Variants in ZNF469 observed in about 807,000 individuals in gnomAD.
ZNF469 encodes the protein zinc finger protein 469.
A neutral mutation model predicts 1.0 loss-of-function variants in ZNF469; 1 was observed. That is an observed-to-expected ratio of 1.00 (90% CI 0.35 to 4.73). ZNF469 has a LOEUF of 4.73. Ranked by LOEUF, ZNF469 falls within the 30% of genes most tolerant of loss-of-function variation. The pLI is 0.16. For missense variants in ZNF469, 6,100 were observed against 5,356.3 expected (o/e 1.14, Z -4.33); for synonymous variants, 2,703 against 2,363.4 (o/e 1.14, Z -4.17).
In ZNF469 at chr16:88,433,146, G is replaced by T; in HGVS notation, c.5676G>T (p.Arg1892Ser). 6.5e-7 allele frequency: 1 copy of T among 1,550,350 alleles called. No individual in the cohort carries two copies. Among genetic ancestry groups the T allele is most frequent in the Non-Finnish European group, 8.7e-7 (1 of 1,146,950 alleles). The change falls in exon 3 of 3, where the codon AGG becomes AGT. Residue 1892 changes from arginine (R) to serine (S), a missense_variant. By Grantham distance (110) the Arg-to-Ser change is moderately radical. Coordinates refer to ENST00000565624, the MANE Select transcript of ZNF469 (RefSeq NM_001367624.2). ...ACVSNTHPSRRSQDPALSPPI... is the reference protein window; with the variant it reads ...ACVSNTHPSRSSQDPALSPPI... ...TATCCAACACCCACCCTAGCAGGAG[G>T]TCCCAGGACCCAGCTTTGAGCCCCC...
chr16:88,398,359 G>T (rs1319750541), intron 1 of ZNF469, among the ~76,000 whole-genome samples: 2 of 150,000 alleles, frequency 1.3e-5, no homozygotes, highest in Non-Finnish European at 3.0e-5. Flanking sequence ...CGTGAGCCAC[G>T]GATGAAGGAG....
chr16:88,232,180 G>C, the ZNF469 span, among the ~76,000 whole-genome samples: 7 of 152,224 alleles, frequency 4.6e-5, no homozygotes, highest in African/African-American at 1.4e-4. Context: ...CCAGGTTCAA[G>C]AAAACTAGAG....
the ZNF469 span, among the ~76,000 whole-genome samples, chr16:88,248,934 C>T: frequency 2.4e-4 from 36 of 152,310 alleles, no homozygotes; most frequent in South Asian, 6.2e-4. Context: ...TTTCCCTCCC[C>T]GCTGTGTCCC....
the ZNF469 span, among the ~76,000 whole-genome samples, chr16:88,113,073 T>C: frequency 1.3e-5 from 2 of 152,090 alleles, no homozygotes; most frequent in Non-Finnish European, 2.9e-5. Context: ...CCACCGCGCC[T>C]GGCCTGCTGT....
At chr16:88,111,505 T>TC in the ZNF469 span, among the ~76,000 whole-genome samples, 3,340 of 61,470 alleles carry the variant, frequency 0.054, 116 homozygotes, top group African/African-American at 0.14. Flanking sequence ...TCTTCTGTCT[T>TC]TTTGTACCCA....
the ZNF469 span, among the ~76,000 whole-genome samples, chr16:88,127,414 T>G: frequency 2.6e-5 from 4 of 152,394 alleles, no homozygotes; most frequent in South Asian, 8.3e-4. Flanking sequence ...GCTTTCATTT[T>G]TATGGCGACT....
chr16:88,240,061 A>T, the ZNF469 span, among the ~76,000 whole-genome samples: 35 of 150,124 alleles, frequency 2.3e-4, no homozygotes, highest in African/African-American at 7.6e-4. Context: ...CTGCCCAGAG[A>T]AGAGCCAAAC....
At chr16:88,293,314 TTGGATGGATGGATGGA>T in the ZNF469 span, among the ~76,000 whole-genome samples, 8 of 146,696 alleles carry the variant, frequency 5.5e-5, no homozygotes, top group Admixed American at 6.8e-5. Flanking sequence ...GGATGGGTAA[TTGGATGGATGGATGGA>T]TGGATGGATG....
the ZNF469 span, among the ~76,000 whole-genome samples, chr16:88,327,501 A>G: frequency 6.6e-6 from 1 of 151,944 alleles, no homozygotes; most frequent in Non-Finnish European, 1.5e-5. Flanking sequence ...TGCGGTTCCC[A>G]GGGCCAGCTA....
At chr16:88,193,348 A>G in the ZNF469 span, among the ~76,000 whole-genome samples, 1 of 151,720 alleles carries the variant, frequency 6.6e-6, no homozygotes, top group African/African-American at 2.4e-5. Flanking sequence ...GATGATAAGG[A>G]TGATGATATT....
chr16:88,269,702 G>T, the ZNF469 span, among the ~76,000 whole-genome samples: 4 of 151,972 alleles, frequency 2.6e-5, no homozygotes, highest in African/African-American at 9.7e-5. Context: ...CTGCTCTCGG[G>T]AACTGCTGAC....
At chr16:88,320,765 T>A in the ZNF469 span, among the ~76,000 whole-genome samples, 1 of 152,214 alleles carries the variant, frequency 6.6e-6, no homozygotes, top group Non-Finnish European at 1.5e-5. Context: ...CCTGCACTTA[T>A]GTCCATGTAG....
In ZNF469 at chr16:88,431,790, G is replaced by A. The variant is rs374090900; in HGVS notation, c.4320G>A (p.Glu1440=). ...GCCCACCTGGCACCGCTGAGACGGA[G>A]CCAGGCAGGGCTGCATCGCCACCGA... ...PRSPPGTAET[E]PGRAASPPTL... The change falls in exon 3 of 3, where the codon GAG becomes GAA. Residue 1440 remains glutamate (E), a synonymous_variant. Transcript: ENST00000565624. The A allele has an allele frequency of 6.5e-5, 100 of 1,549,624 alleles. 1 individual carries two copies. Among genetic ancestry groups the A allele is most frequent in the East Asian group, 4.2e-4 (17 of 40,922 alleles).
At chr16:88,204,971 C>T in the ZNF469 span, among the ~76,000 whole-genome samples, 62 of 152,266 alleles carry the variant, frequency 4.1e-4, 1 homozygote, top group Admixed American at 3.9e-3. Flanking sequence ...AAGTGTGCGC[C>T]AGCTGCAGGA....
the ZNF469 span, among the ~76,000 whole-genome samples, chr16:88,345,232 G>C: frequency 6.6e-6 from 1 of 152,230 alleles, no homozygotes; most frequent in African/African-American, 2.4e-5. Flanking sequence ...AGGAGACCCT[G>C]GCATGGCGCC....
the ZNF469 span, among the ~76,000 whole-genome samples, chr16:88,161,663 C>A: frequency 1.3e-5 from 2 of 152,088 alleles, no homozygotes; most frequent in African/African-American, 2.4e-5. Flanking sequence ...TCACTAGAAA[C>A]TTCCAGTTAT....
the ZNF469 span, among the ~76,000 whole-genome samples, chr16:88,179,873 G>C: frequency 6.6e-6 from 1 of 152,262 alleles, no homozygotes; most frequent in Non-Finnish European, 1.5e-5. Context: ...AAGTATGGGA[G>C]GGAGGAAGTA....
At chr16:88,403,954 G>T (rs941980399) in intron 1 of ZNF469, among the ~76,000 whole-genome samples, 41 of 152,314 alleles carry the variant, frequency 2.7e-4, no homozygotes, top group Middle Eastern at 3.4e-3. Context: ...GCTTCGGGCG[G>T]TGCTGCAGGG....
chr16:88,422,301 A>ATGG (rs1905492201), intron 1 of ZNF469, among the ~76,000 whole-genome samples: 1 of 7,964 alleles, frequency 1.3e-4, no homozygotes, highest in Admixed American at 1.7e-3. Flanking sequence ...TGGATGGATG[A>ATGG]GTGGGTGGAT....
Sources: allele counts gnomAD v4.1 joint callset (sites outside exome capture counted in the v4.1 genomes callset), GRCh38; gene constraint gnomAD v4.1.1; transcripts MANE v1.5; gene names NCBI Gene and HGNC (gene_info 2026-07-23, HGNC 2026-07-21).